Variants in UNC13C observed in about 807,000 individuals in gnomAD.
UNC13C encodes the protein protein unc-13 homolog C.
In UNC13C, 174 loss-of-function variants were observed where a neutral mutation model predicts 245.4. That is an observed-to-expected ratio of 0.71 (90% CI 0.63 to 0.80). The LOEUF is 0.80. UNC13C is among the 30% of genes least tolerant of loss of function. The probability of loss-of-function intolerance (pLI) is 0.00; values close to 1 mark genes in which losing one functional copy is unlikely to be tolerated. For missense variants in UNC13C, 2,829 were observed against 2,602.9 expected, an observed-to-expected ratio of 1.09 and a Z score of -1.89; for synonymous variants, 992 against 895.1, an observed-to-expected ratio of 1.11 and a Z score of -1.93.
chr15:54,136,026 G>T (rs77396162), intron 2 of UNC13C, among the ~76,000 whole-genome samples: 1 of 151,998 alleles, frequency 6.6e-6, no homozygotes, highest in Non-Finnish European at 1.5e-5. Context: ...TTATTTCATC[G>T]ATGTCTTATA....
chr15:54,363,875 G>A (rs977592666), intron 17 of UNC13C, among the ~76,000 whole-genome samples: 12 of 152,270 alleles, frequency 7.9e-5, no homozygotes, highest in African/African-American at 4.8e-5. Flanking sequence ...CCATTTTAAA[G>A]GTCCTGAGCA....
intron 13 of UNC13C, among the ~76,000 whole-genome samples, chr15:54,304,372 T>C (rs1490034599): frequency 1.3e-5 from 2 of 152,148 alleles, no homozygotes; most frequent in Non-Finnish European, 2.9e-5. Context: ...TGGTAGATTA[T>C]GTGTACTTGT....
At chr15:54,524,037 G>A (rs894774756) in intron 24 of UNC13C, among the ~76,000 whole-genome samples, 5 of 152,172 alleles carry the variant, frequency 3.3e-5, no homozygotes, top group Non-Finnish European at 5.9e-5. Flanking sequence ...AGGGGTTAGG[G>A]AGTTATAGTT....
intron 18 of UNC13C, among the ~76,000 whole-genome samples, chr15:54,412,433 A>G (rs796265754): frequency 9.2e-5 from 14 of 152,306 alleles, no homozygotes; most frequent in African/African-American, 2.6e-4. Flanking sequence ...CTCACTCACT[A>G]TAAGAGAACA....
At chr15:54,002,314 A>G (rs1231629198) in intron 1 of UNC13C, among the ~76,000 whole-genome samples, 1 of 152,166 alleles carries the variant, frequency 6.6e-6, no homozygotes, top group Non-Finnish European at 1.5e-5. Context: ...GAAAGAAATT[A>G]TTCAAATCCT....
At chr15:54,633,228 T>G (rs1256138367), downstream of UNC13C, 1 of 152,166 alleles carries the variant, frequency 6.6e-6, no homozygotes, top group South Asian at 2.1e-4. Context: ...ATACACCAAT[T>G]TACAAACAAC....
At chr15:54,591,032 T>A (rs1029264809) in intron 30 of UNC13C, among the ~76,000 whole-genome samples, 27 of 152,232 alleles carry the variant, frequency 1.8e-4, no homozygotes, top group African/African-American at 6.5e-4. Flanking sequence ...ATGCTTTTTC[T>A]GCATCTATTG....
Position 54,012,672 on chromosome 15 carries a change from TGA to T in UNC13C, c.-225_-224del, listed in dbSNP as rs1291254785. Among the ~76,000 whole-genome samples the T allele has an allele frequency of 6.6e-6, 1 of 152,210 alleles. No individual in the cohort carries two copies. The highest frequency in any genetic ancestry group is 2.4e-5 in the African/African-American group (1 of 41,454). On this transcript the variant is annotated 5_prime_UTR_variant, in exon 2 of 33. The change abolishes the stop of an existing upstream ORF in the 5' untranslated region. Coordinates refer to ENST00000260323, the MANE Select transcript of UNC13C (RefSeq NM_001080534.3). The stretch of plus-strand genomic sequence containing the variant: ...GACACTACATGGAGTTATGTGGAAA[TGA>T]GAGAGATTCATGAAACCCCTCCTCC...
At chr15:54,465,998 T>C (rs1892143885) in intron 19 of UNC13C, among the ~76,000 whole-genome samples, 1 of 152,024 alleles carries the variant, frequency 6.6e-6, no homozygotes, top group Non-Finnish European at 1.5e-5. Context: ...CAGTGGAATA[T>C]TATTAAGCCA....
At chr15:54,316,832 T>A (rs2038021232) in intron 13 of UNC13C, among the ~76,000 whole-genome samples, 1 of 151,958 alleles carries the variant, frequency 6.6e-6, no homozygotes, top group Non-Finnish European at 1.5e-5. Flanking sequence ...CCAAGCCTGC[T>A]CCTCCATCCT....
chr15:54,616,634 A>G (rs984938973), intron 30 of UNC13C, among the ~76,000 whole-genome samples: 1 of 152,098 alleles, frequency 6.6e-6, no homozygotes, highest in Non-Finnish European at 1.5e-5. Context: ...ATAAAGAAAG[A>G]TGATGTTTTT....
At chr15:54,446,794 C>G (rs1890840193) in intron 19 of UNC13C, among the ~76,000 whole-genome samples, 1 of 152,080 alleles carries the variant, frequency 6.6e-6, no homozygotes, top group South Asian at 2.1e-4. Flanking sequence ...CTTTCTCCTG[C>G]CTGATTGCCC....
chr15:54,277,796 A>G (rs1436332658), intron 10 of UNC13C, among the ~76,000 whole-genome samples: 1 of 152,200 alleles, frequency 6.6e-6, no homozygotes, highest in African/African-American at 2.4e-5. Context: ...ACAAGGATTG[A>G]GATGAAACCA....
chr15:54,107,814 CAA>C (rs1900523014), intron 2 of UNC13C, among the ~76,000 whole-genome samples: 3 of 152,154 alleles, frequency 2.0e-5, no homozygotes, highest in African/African-American at 7.2e-5. Flanking sequence ...GGTCATCTCT[CAA>C]AGTCTCTTTA....
the UNC13C span, among the ~76,000 whole-genome samples, chr15:53,837,812 C>A: frequency 2.6e-5 from 4 of 152,176 alleles, no homozygotes; most frequent in Non-Finnish European, 4.4e-5. Flanking sequence ...AATAGTCCAT[C>A]TTTTCCCTAC....
At chr15:54,312,055 G>A (rs893978229) in intron 13 of UNC13C, among the ~76,000 whole-genome samples, 25 of 151,754 alleles carry the variant, frequency 1.6e-4, no homozygotes, top group African/African-American at 4.6e-4. Flanking sequence ...AATAAAACAC[G>A]TTAATGCTAC....
intron 17 of UNC13C, among the ~76,000 whole-genome samples, chr15:54,355,784 G>C (rs2039081942): frequency 6.6e-6 from 1 of 151,722 alleles, no homozygotes; most frequent in Non-Finnish European, 1.5e-5. Context: ...CTTTCCCCAA[G>C]TACTCAGCCT....
chr15:53,979,795 TA>T (rs1345037456), intron 1 of UNC13C, among the ~76,000 whole-genome samples: 1 of 152,206 alleles, frequency 6.6e-6, no homozygotes, highest in East Asian at 1.9e-4. Flanking sequence ...TTTAAGAAGC[TA>T]AAATTGTAAG....
chr15:54,507,594 G>T (rs559976374), intron 23 of UNC13C, among the ~76,000 whole-genome samples: 1 of 152,084 alleles, frequency 6.6e-6, no homozygotes, highest in African/African-American at 2.4e-5. Flanking sequence ...CAAATAAATT[G>T]CAAACGTTAA....
Sources: allele counts gnomAD v4.1 joint callset (sites outside exome capture counted in the v4.1 genomes callset), GRCh38; gene constraint gnomAD v4.1.1; transcripts MANE v1.5; gene names NCBI Gene and HGNC (gene_info 2026-07-23, HGNC 2026-07-21).